FOXP2: variants seen among roughly 807,000 people sequenced by gnomAD.
The protein encoded by FOXP2 is forkhead box protein P2.
In FOXP2, 12 loss-of-function variants were observed where a neutral mutation model predicts 115.8. The ratio of observed to expected loss-of-function variants is 0.10; its 90% CI spans 0.07 to 0.17. FOXP2 has a LOEUF of 0.17. Among genes scored for constraint, FOXP2 ranks in the 10% least tolerant of loss-of-function variants. The probability of loss-of-function intolerance (pLI) is 1.00; values close to 1 mark genes in which losing one functional copy is unlikely to be tolerated. For synonymous variants in FOXP2, 328 were observed against 297.7 expected, an observed-to-expected ratio of 1.10 and a Z score of -1.05; for missense variants, 629 against 843.5, an observed-to-expected ratio of 0.75 and a Z score of 3.15.
At chr7:114,493,233 G>A (rs1304691465) in intron 2 of FOXP2, among the ~76,000 whole-genome samples, 3 of 151,946 alleles carry the variant, frequency 2.0e-5, no homozygotes, top group Non-Finnish European at 4.4e-5. Context: ...GATTACAACC[G>A]CTGTCTTTTT....
At chr7:114,480,066 G>A (rs894030718) in intron 2 of FOXP2, among the ~76,000 whole-genome samples, 5 of 151,400 alleles carry the variant, frequency 3.3e-5, no homozygotes, top group Non-Finnish European at 5.9e-5. Context: ...GACTAATAGA[G>A]ACACATTTGA....
chr7:114,225,638 A>G (rs979361396), intron 1 of FOXP2, among the ~76,000 whole-genome samples: 3 of 151,740 alleles, frequency 2.0e-5, no homozygotes, highest in African/African-American at 7.3e-5. Context: ...GTTGTTGTGT[A>G]GATGGGATTT....
At chr7:114,632,029 A>G (rs757945604) in intron 6 of FOXP2, among the ~76,000 whole-genome samples, 1 of 152,180 alleles carries the variant, frequency 6.6e-6, no homozygotes, top group Non-Finnish European at 1.5e-5. Context: ...AGGGAATTGG[A>G]TTACCGGGAA....
intron 1 of FOXP2, among the ~76,000 whole-genome samples, chr7:114,204,475 A>G (rs557898821): frequency 6.6e-6 from 1 of 152,298 alleles, no homozygotes; most frequent in East Asian, 1.9e-4. Context: ...GGTTTAACTC[A>G]CAGCTCTGCA....
chr7:114,147,422 A>G (rs1257338178), intron 1 of FOXP2, among the ~76,000 whole-genome samples: 1 of 152,168 alleles, frequency 6.6e-6, no homozygotes, highest in Non-Finnish European at 1.5e-5. Context: ...GTAGTGAAAT[A>G]GAAAACAAGG....
chr7:114,497,717 T>G (rs1341339213), intron 2 of FOXP2, among the ~76,000 whole-genome samples: 1 of 151,540 alleles, frequency 6.6e-6, no homozygotes, highest in African/African-American at 2.4e-5. Flanking sequence ...AAAAGTTGCA[T>G]TTAGATAGTT....
intron 2 of FOXP2, among the ~76,000 whole-genome samples, chr7:114,485,636 TAAC>T (rs1796739778): frequency 6.6e-6 from 1 of 152,024 alleles, no homozygotes; most frequent in Non-Finnish European, 1.5e-5. Context: ...ATCATGCTAA[TAAC>T]AATAAGAAGA....
At chr7:114,418,581 A>G (rs1283546898) in intron 1 of FOXP2, among the ~76,000 whole-genome samples, 2 of 151,912 alleles carry the variant, frequency 1.3e-5, no homozygotes, top group African/African-American at 4.8e-5. Context: ...GGAAACTCAC[A>G]GAACAGACGT....
At chr7:114,383,340 A>G (rs1193867594) in intron 2 of FOXP2, among the ~76,000 whole-genome samples, 1 of 152,098 alleles carries the variant, frequency 6.6e-6, no homozygotes, top group African/African-American at 2.4e-5. Flanking sequence ...GAAGGGGCAT[A>G]ATCAGGGAAC....
chr7:114,111,122 A>G (rs753844188), intron 1 of FOXP2, among the ~76,000 whole-genome samples: 5 of 152,176 alleles, frequency 3.3e-5, no homozygotes, highest in African/African-American at 4.8e-5. Context: ...TAATGCCTGC[A>G]ATCAATCACA....
intron 1 of FOXP2, among the ~76,000 whole-genome samples, chr7:114,148,553 A>T (rs1007043304): frequency 1.3e-5 from 2 of 152,196 alleles, no homozygotes; most frequent in African/African-American, 4.8e-5. Context: ...ATTTTGCATT[A>T]GTTGGTGCAG....
At position 114,691,929 on chromosome 7, in the gene FOXP2, C is replaced by CAAAAAAAAAAAAAG. The variant is rs745360648; in HGVS notation, c.*2023_*2036dup. The CAAAAAAAAAAAAAG allele has an allele frequency of 7.9e-6, 2 of 253,364 alleles. No individual in the cohort carries two copies. Among genetic ancestry groups the CAAAAAAAAAAAAAG allele is most frequent in the African/African-American group, 5.1e-5 (1 of 19,732 alleles). The allele number at this position is 253,364 out of a possible 1,614,324, so 15.7% of individuals were successfully genotyped here. ...GGCTTTCTGAAAGCTTCTACCTCTG[C>CAAAAAAAAAAAAAG]AAAAAAAAAAAAAGAAAAAAAAAAA... On this transcript the variant is annotated 3_prime_UTR_variant, in exon 17 of 17. Coordinates refer to ENST00000350908, the MANE Select transcript of FOXP2 (RefSeq NM_014491.4).
intron 2 of FOXP2, among the ~76,000 whole-genome samples, chr7:114,355,973 T>C (rs1489722355): frequency 1.3e-5 from 2 of 152,228 alleles, no homozygotes; most frequent in African/African-American, 2.4e-5. Flanking sequence ...CAACTACTTC[T>C]ACCTTCATTT....
intron 3 of FOXP2, among the ~76,000 whole-genome samples, chr7:114,581,148 CGTTT>C (rs1454571179): frequency 2.7e-4 from 38 of 140,164 alleles, no homozygotes; most frequent in South Asian, 1.2e-3. Context: ...TATCTTCTTC[CGTTT>C]ATTTATTTAT....
chr7:114,465,926 T>A (rs1224956105), intron 2 of FOXP2, among the ~76,000 whole-genome samples: 2 of 152,228 alleles, frequency 1.3e-5, no homozygotes, highest in African/African-American at 4.8e-5. Flanking sequence ...CTCCCATCTG[T>A]TGAGGCTCAC....
intron 8 of FOXP2, among the ~76,000 whole-genome samples, chr7:114,648,350 G>C (rs1806037527): frequency 6.6e-6 from 1 of 151,994 alleles, no homozygotes; most frequent in Non-Finnish European, 1.5e-5. Flanking sequence ...TTAAACTCCT[G>C]TCAGTGTTTA....
chr7:114,128,999 C>T (rs1040142866), intron 1 of FOXP2, among the ~76,000 whole-genome samples: 2 of 152,092 alleles, frequency 1.3e-5, no homozygotes, highest in South Asian at 2.1e-4. Context: ...GGCTGCAATA[C>T]CTTGGATATC....
At chr7:114,108,193 C>G (rs1791172487) in intron 1 of FOXP2, among the ~76,000 whole-genome samples, 1 of 151,856 alleles carries the variant, frequency 6.6e-6, no homozygotes, top group Non-Finnish European at 1.5e-5. Context: ...AGGACACATC[C>G]ATTTTTGTTT....
At chr7:114,665,368 A>C (rs6952305) in intron 16 of FOXP2, 5 of 152,096 alleles carry the variant, frequency 3.3e-5, no homozygotes, top group Non-Finnish European at 7.4e-5. Context: ...TCTAATTACA[A>C]GTTATTGAGG....
Sources: gnomAD v4.1 joint callset for allele counts (sites outside exome capture counted in the v4.1 genomes callset) on GRCh38, gnomAD v4.1.1 for gene constraint, MANE v1.5 for transcripts, NCBI Gene and HGNC (gene_info 2026-07-23, HGNC 2026-07-21) for gene names.